LAMA2: variants seen among roughly 807,000 people sequenced by gnomAD.
LAMA2 encodes the protein laminin subunit alpha-2.
A neutral mutation model predicts 364.8 loss-of-function variants in LAMA2; 269 were observed. The ratio of observed to expected loss-of-function variants is 0.74; its 90% CI spans 0.67 to 0.82. The LOEUF (loss-of-function observed/expected upper bound fraction) is 0.82, where lower values mean the gene tolerates loss of function less well. Ranked by LOEUF, LAMA2 falls within the 40% of genes least tolerant of loss-of-function variation. The pLI, the probability that LAMA2 is intolerant of heterozygous loss-of-function variation, is 0.00. For missense variants in LAMA2, 3,807 were observed against 3,873.2 expected, an observed-to-expected ratio of 0.98 and a Z score of 0.45; for synonymous variants, 1,379 against 1,370.6, an observed-to-expected ratio of 1.01 and a Z score of -0.14.
chr6:129,486,308 TAG>T (rs1784579760), intron 55 of LAMA2, among the ~76,000 whole-genome samples, 164 bp from the exon 56 acceptor site: 1 of 152,252 alleles, frequency 6.6e-6, no homozygotes, highest in Non-Finnish European at 1.5e-5. Context: ...GGTAAATGAT[TAG>T]AAAGATATTT....
intron 1 of LAMA2, among the ~76,000 whole-genome samples, chr6:128,883,700 AG>A (rs1263364583): frequency 2.6e-5 from 4 of 152,066 alleles, no homozygotes; most frequent in Admixed American, 6.6e-5. Context: ...TCTTCAAATC[AG>A]AGCCCATCCT....
intron 51 of LAMA2, among the ~76,000 whole-genome samples, chr6:129,470,869 T>A (rs1583827304): frequency 6.6e-6 from 1 of 151,888 alleles, no homozygotes; most frequent in Non-Finnish European, 1.5e-5. Flanking sequence ...AGTACAGTCC[T>A]TCAGGAGTGT....
intron 58 of LAMA2, among the ~76,000 whole-genome samples, chr6:129,498,940 G>A (rs1451413367): frequency 6.6e-6 from 1 of 152,174 alleles, no homozygotes; most frequent in Admixed American, 6.5e-5. Context: ...CAGTGTGGGG[G>A]TGAAAACGTT....
At chr6:128,974,607 A>G (rs1263908576) in intron 1 of LAMA2, among the ~76,000 whole-genome samples, 1 of 152,174 alleles carries the variant, frequency 6.6e-6, no homozygotes, top group Non-Finnish European at 1.5e-5. Context: ...AAGTTAATAT[A>G]TTTCCTGGGT....
In LAMA2 at chr6:129,405,275, T is replaced by C. The variant is rs1780190918; in HGVS notation, c.5865+1316T>C. On this transcript the variant is annotated intron_variant, in intron 40 of 64. Coordinates refer to ENST00000421865, the MANE Select transcript of LAMA2 (RefSeq NM_000426.4). ...TTTTCATTATAATTGACACCTTTTA[T>C]GCCTGTTCATAATCTTTTATACCAA... Among the ~76,000 whole-genome samples the C allele has an allele frequency of 3.9e-5, 6 of 152,156 alleles. 1 individual carries two copies. The highest frequency in any genetic ancestry group is 3.9e-4 in the Admixed American group (6 of 15,278).
chr6:129,284,823 A>G (rs1407187696), intron 18 of LAMA2, among the ~76,000 whole-genome samples: 2 of 152,236 alleles, frequency 1.3e-5, no homozygotes, highest in Non-Finnish European at 2.9e-5. Context: ...AAGTGTAACA[A>G]ATAACTGCAT....
At chr6:129,393,418 T>A (rs1779433311) in intron 37 of LAMA2, among the ~76,000 whole-genome samples, 163 bp downstream of exon 37, 1 of 152,178 alleles carries the variant, frequency 6.6e-6, no homozygotes, top group African/African-American at 2.4e-5. Flanking sequence ...TGACTTTTTT[T>A]TGTTTTTGTT....
chr6:129,060,207 A>G (rs1582963999), intron 3 of LAMA2, among the ~76,000 whole-genome samples: 1 of 152,246 alleles, frequency 6.6e-6, no homozygotes, highest in African/African-American at 2.4e-5. Flanking sequence ...TAACAAAAAT[A>G]TAATAGTATC....
intron 3 of LAMA2, among the ~76,000 whole-genome samples, chr6:129,062,128 A>G (rs1788963119): frequency 6.6e-6 from 1 of 152,214 alleles, no homozygotes; most frequent in Non-Finnish European, 1.5e-5. Context: ...ACAAACTGTG[A>G]GACATGTTTA....
At chr6:129,281,946 A>AT (rs1326451759) in intron 18 of LAMA2, among the ~76,000 whole-genome samples, 1 of 152,144 alleles carries the variant, frequency 6.6e-6, no homozygotes, top group Admixed American at 6.5e-5. Context: ...TGAGGGAAAC[A>AT]TTTTTTGTTT....
chr6:129,448,663 A>C (rs1206637527), intron 45 of LAMA2, among the ~76,000 whole-genome samples: 1 of 152,176 alleles, frequency 6.6e-6, no homozygotes, highest in Non-Finnish European at 1.5e-5. Flanking sequence ...TGCAGTGAAA[A>C]TCCAATAGAT....
rs1298539854 is a variant in LAMA2 at position 129,422,522 on chromosome 6, T to C, written c.5866-5230T>C. On this transcript the variant is annotated intron_variant, in intron 40 of 64. Coordinates refer to ENST00000421865, the MANE Select transcript of LAMA2 (RefSeq NM_000426.4). ...CTACCAATATCAGGAATACAAGAGG[T>C]GAAATCACTACAACTTCTGCAGATA... 2.0e-5 allele frequency among the ~76,000 whole-genome samples: 3 copies of C among 152,084 alleles called. No homozygotes were observed. In the South Asian group the frequency reaches 6.2e-4, roughly 32 times the overall value.
chr6:129,516,113 A>AGTT, intron 64 of LAMA2, 77 bp from the exon 65 acceptor site: 7 of 1,477,252 alleles, frequency 4.7e-6, no homozygotes, highest in African/African-American at 4.1e-5. Context: ...TCAAGCTAAC[A>AGTT]GTTGACTTTG....
intron 20 of LAMA2, among the ~76,000 whole-genome samples, chr6:129,294,726 T>G (rs1037325592): frequency 6.6e-6 from 1 of 152,076 alleles, no homozygotes; most frequent in Non-Finnish European, 1.5e-5. Context: ...ACACTGTAGG[T>G]TGTCTTGCAG....
At chr6:129,213,132 T>G (rs1783203167) in intron 12 of LAMA2, among the ~76,000 whole-genome samples, 1 of 152,230 alleles carries the variant, frequency 6.6e-6, no homozygotes, top group Non-Finnish European at 1.5e-5. Context: ...TACAATGTGT[T>G]GTCTTTTCAG....
chr6:129,192,609 G>A, intron 11 of LAMA2, 71 bp from the exon 12 acceptor site: 1 of 1,451,822 alleles, frequency 6.9e-7, no homozygotes, highest in Non-Finnish European at 9.6e-7. Context: ...GACACGACCA[G>A]GAACATGAAA....
At chr6:129,105,805 G>A (rs1019901443) in intron 4 of LAMA2, among the ~76,000 whole-genome samples, 1 of 152,078 alleles carries the variant, frequency 6.6e-6, no homozygotes, top group Non-Finnish European at 1.5e-5. Context: ...TGAGGAGGAC[G>A]AACTTTCTAG....
chr6:129,194,365 T>C (rs931957739), intron 12 of LAMA2, among the ~76,000 whole-genome samples: 80 of 152,142 alleles, frequency 5.3e-4, no homozygotes, highest in Non-Finnish European at 2.1e-4. Context: ...TCTTTGGTCA[T>C]ATGCATTTTT....
At chr6:129,264,993 A>G (rs1396746378) in intron 15 of LAMA2, among the ~76,000 whole-genome samples, 1 of 152,148 alleles carries the variant, frequency 6.6e-6, no homozygotes, top group Non-Finnish European at 1.5e-5. Flanking sequence ...CAGTTTTGTC[A>G]TTTGTGTTTT....
Sources: allele counts gnomAD v4.1 joint callset (sites outside exome capture counted in the v4.1 genomes callset), GRCh38; gene constraint gnomAD v4.1.1; transcripts MANE v1.5; gene names NCBI Gene and HGNC (gene_info 2026-07-23, HGNC 2026-07-21).